Variants in KCNQ3 observed in about 807,000 individuals in gnomAD.
The protein encoded by KCNQ3 is potassium voltage-gated channel subfamily Q member 3, also known as potassium voltage-gated channel subfamily KQT member 3.
In KCNQ3, 30 loss-of-function variants were observed where a neutral mutation model predicts 92.5. The observed-to-expected ratio is 0.32, with a 90% CI of 0.24 to 0.44. The LOEUF is 0.44. Among genes scored for constraint, KCNQ3 ranks in the 20% least tolerant of loss-of-function variants. The probability of loss-of-function intolerance (pLI) is 1.00; values close to 1 mark genes in which losing one functional copy is unlikely to be tolerated. For missense variants in KCNQ3, 913 were observed against 1,140.3 expected, an observed-to-expected ratio of 0.80 and a Z score of 2.87; for synonymous variants, 450 against 468.8, an observed-to-expected ratio of 0.96 and a Z score of 0.52.
chr8:132,317,074 C>T (rs1339945218), intron 1 of KCNQ3, among the ~76,000 whole-genome samples: 1 of 152,058 alleles, frequency 6.6e-6, no homozygotes, highest in Non-Finnish European at 1.5e-5. Flanking sequence ...TTTTTCAGTT[C>T]CCAAATTATT....
intron 1 of KCNQ3, among the ~76,000 whole-genome samples, chr8:132,442,659 G>A (rs965082229): frequency 6.6e-6 from 1 of 152,128 alleles, no homozygotes. Flanking sequence ...CCGGGGAGCC[G>A]CATGAGCTCC....
chr8:132,312,052 C>T (rs140501604), intron 1 of KCNQ3, among the ~76,000 whole-genome samples: 1 of 152,084 alleles, frequency 6.6e-6, no homozygotes, highest in Non-Finnish European at 1.5e-5. Flanking sequence ...CAGGGAATGT[C>T]GAAAACTGCT....
chr8:132,387,847 T>G lies in KCNQ3; in HGVS notation c.386+92300A>C, dbSNP rs576767532. 4.6e-5 allele frequency among the ~76,000 whole-genome samples: 7 copies of G among 151,952 alleles called. No individual in the cohort carries two copies. The South Asian group carries it at 1.0e-3, about 23-fold the overall frequency. On this transcript the variant is annotated intron_variant, in intron 1 of 14. Coordinates refer to ENST00000388996, the MANE Select transcript of KCNQ3 (RefSeq NM_004519.4). ...GAGATCCCATCTCTACAAAAAAAATTTTTTTAATTAGCCACTTGAACCTGG... is the reference window on the plus strand; with the variant it reads ...GAGATCCCATCTCTACAAAAAAAATGTTTTTAATTAGCCACTTGAACCTGG...
intron 1 of KCNQ3, among the ~76,000 whole-genome samples, chr8:132,466,108 T>C (rs938491235): frequency 9.2e-5 from 14 of 152,108 alleles, no homozygotes; most frequent in Non-Finnish European, 1.3e-4. Flanking sequence ...AATTCCAGCA[T>C]ATAGTAACAG....
intron 1 of KCNQ3, among the ~76,000 whole-genome samples, chr8:132,223,128 A>G (rs1343248571): frequency 6.6e-6 from 1 of 152,192 alleles, no homozygotes; most frequent in African/African-American, 2.4e-5. Context: ...TAATACAGAG[A>G]ATAATGACTA....
At chr8:132,404,658 A>G (rs1156843696) in intron 1 of KCNQ3, among the ~76,000 whole-genome samples, 2 of 152,158 alleles carry the variant, frequency 1.3e-5, no homozygotes, top group Non-Finnish European at 2.9e-5. Context: ...CTTGCAATAA[A>G]TCCCTTTATA....
At chr8:132,192,405 G>A (rs1266050072) in intron 1 of KCNQ3, among the ~76,000 whole-genome samples, 1 of 152,172 alleles carries the variant, frequency 6.6e-6, no homozygotes, top group Non-Finnish European at 1.5e-5. Context: ...ATTTCAGACG[G>A]AGACCACGTT....
chr8:132,406,169 G>A (rs1001968762), intron 1 of KCNQ3, among the ~76,000 whole-genome samples: 2 of 152,226 alleles, frequency 1.3e-5, no homozygotes, highest in African/African-American at 4.8e-5. Flanking sequence ...CCCAGGTATT[G>A]CCTGGATACT....
At chr8:132,297,421 A>G (rs1328729125) in intron 1 of KCNQ3, among the ~76,000 whole-genome samples, 3 of 151,902 alleles carry the variant, frequency 2.0e-5, no homozygotes, top group African/African-American at 7.2e-5. Flanking sequence ...CAATTTTGGA[A>G]AAGTCTCTTT....
intron 1 of KCNQ3, among the ~76,000 whole-genome samples, chr8:132,340,717 A>G (rs193272797): frequency 1.3e-5 from 2 of 152,332 alleles, no homozygotes; most frequent in Admixed American, 1.3e-4. Context: ...GAAAACCACC[A>G]TGACGCATGT....
chr8:132,410,330 T>C (rs1409686774), intron 1 of KCNQ3, among the ~76,000 whole-genome samples: 1 of 151,924 alleles, frequency 6.6e-6, no homozygotes, highest in Non-Finnish European at 1.5e-5. Context: ...GAGAGGTAAA[T>C]TAATGGGAAG....
intron 1 of KCNQ3, among the ~76,000 whole-genome samples, chr8:132,426,616 G>A (rs1277972787): frequency 2.0e-5 from 3 of 152,210 alleles, no homozygotes; most frequent in African/African-American, 7.2e-5. Context: ...TAACTGTAGG[G>A]TGAAATCCTT....
intron 1 of KCNQ3, among the ~76,000 whole-genome samples, chr8:132,391,211 C>T (rs1820038599): frequency 6.6e-6 from 1 of 152,206 alleles, no homozygotes; most frequent in South Asian, 2.1e-4. Context: ...TGAGCCAAGA[C>T]TCATGGGTTC....
At chr8:132,338,676 C>T (rs1211830736) in intron 1 of KCNQ3, among the ~76,000 whole-genome samples, 4 of 152,226 alleles carry the variant, frequency 2.6e-5, no homozygotes, top group African/African-American at 9.6e-5. Flanking sequence ...GAATTCCCAT[C>T]TGTGCTCTCA....
intron 9 of KCNQ3, among the ~76,000 whole-genome samples, chr8:132,159,576 G>C (rs745525362): frequency 6.6e-6 from 1 of 152,196 alleles, no homozygotes; most frequent in Non-Finnish European, 1.5e-5. Flanking sequence ...GGACAGAAGA[G>C]AGAGGAAATA....
At chr8:132,132,108 G>T (rs1038590994) in intron 14 of KCNQ3, 72 bp downstream of exon 14, 9 of 1,036,146 alleles carry the variant, frequency 8.7e-6, no homozygotes, top group Non-Finnish European at 1.2e-5. Context: ...AAGAAAGAAA[G>T]AAAAAAAAGA....
At chr8:132,203,677 A>C (rs1827531567) in intron 1 of KCNQ3, among the ~76,000 whole-genome samples, 2 of 152,204 alleles carry the variant, frequency 1.3e-5, no homozygotes, top group African/African-American at 4.8e-5. Context: ...TAAGTAACTT[A>C]ACCTCTCTGG....
chr8:132,403,014 C>CAA (rs1214559891), intron 1 of KCNQ3, among the ~76,000 whole-genome samples: 1 of 2,424 alleles, frequency 4.1e-4, no homozygotes. Flanking sequence ...GAGGCACCAT[C>CAA]ACAAAAAAAA....
At chr8:132,187,807 ATGGTGGTGG>A (rs1166642331) in intron 1 of KCNQ3, among the ~76,000 whole-genome samples, 17 of 120,478 alleles carry the variant, frequency 1.4e-4, no homozygotes, top group Admixed American at 6.4e-4. Flanking sequence ...GGTGATAGTG[ATGGTGGTGG>A]TGGTGGTGGT....
Sources: allele counts gnomAD v4.1 joint callset (sites outside exome capture counted in the v4.1 genomes callset), GRCh38; gene constraint gnomAD v4.1.1; transcripts MANE v1.5; gene names NCBI Gene and HGNC (gene_info 2026-07-23, HGNC 2026-07-21).